Variants in FER1L5 observed in about 807,000 individuals in gnomAD.
FER1L5 encodes the protein fer-1-like protein 5.
A neutral mutation model predicts 279.9 loss-of-function variants in FER1L5; 187 were observed. That is an observed-to-expected ratio of 0.67 (90% CI 0.59 to 0.75). FER1L5 has a LOEUF of 0.75. Ranked by LOEUF, FER1L5 falls within the 30% of genes least tolerant of loss-of-function variation. The probability of loss-of-function intolerance (pLI) is 0.00; values close to 1 mark genes in which losing one functional copy is unlikely to be tolerated. For missense variants in FER1L5, 2,091 were observed against 2,594.4 expected (o/e 0.81, Z 4.21); for synonymous variants, 921 against 989.7 (o/e 0.93, Z 1.30).
intron 2 of FER1L5, 147 bp downstream of exon 2, chr2:96,646,600 G>A (rs1341192940): frequency 3.6e-6 from 3 of 822,962 alleles, no homozygotes; most frequent in Non-Finnish European, 1.9e-6. Context: ...TGGCCTGGGA[G>A]TAGCAGCCTC....
At chr2:96,666,378 C>T (rs1369892033) in intron 14 of FER1L5, among the ~76,000 whole-genome samples, 1 of 151,718 alleles carries the variant, frequency 6.6e-6, no homozygotes, top group African/African-American at 2.4e-5. Flanking sequence ...TCTCCCCTTC[C>T]AATGTCCTTC....
chr2:96,644,662 T>C (rs2075042611), intron 1 of FER1L5, among the ~76,000 whole-genome samples: 1 of 152,154 alleles, frequency 6.6e-6, no homozygotes, highest in African/African-American at 2.4e-5. Context: ...CTACAGGACA[T>C]ATGAGTAATG....
Position 96,698,542 on chromosome 2 carries a change from G to A in FER1L5, c.4357-129G>A. The A allele has an allele frequency of 1.3e-6, 1 of 770,022 alleles. No individual in the cohort carries two copies. Among genetic ancestry groups the A allele is most frequent in the Non-Finnish European group, 2.1e-6 (1 of 479,026 alleles). 47.7% of individuals were successfully genotyped at this position (770,022 alleles called of 1,614,324 possible). On this transcript the variant is annotated intron_variant, in intron 40 of 52. Transcript: ENST00000624922. The surrounding 1 kb of genome is among the most constrained non-coding windows in gnomAD (Gnocchi z 5.5). Reference sequence around the variant, plus strand: ...CTGTACCTGCCTCCACTGTCCTCATGGCCTTCTATCCCTGCCACCCTCAGC... The same window carrying A: ...CTGTACCTGCCTCCACTGTCCTCATAGCCTTCTATCCCTGCCACCCTCAGC...
chr2:96,661,493 C>A, intron 11 of FER1L5, 53 bp downstream of exon 11: 1 of 1,517,786 alleles, frequency 6.6e-7, no homozygotes, highest in Non-Finnish European at 8.9e-7. Context: ...CTCCTGGGGG[C>A]ACCCCTGGGC....
chr2:96,697,777 G>C lies in FER1L5; in HGVS notation c.4236+16G>C. On this transcript the variant is annotated intron_variant, in intron 39 of 52. Coordinates refer to ENST00000624922, the MANE Select transcript of FER1L5 (RefSeq NM_001293083.2). The stretch of plus-strand genomic sequence containing the variant: ...CACCCTCAAGGTTTGAAGGAGGGAA[G>C]AAATGGGATGGAATCAAATCTCCCA... 1.2e-6 allele frequency: 2 copies of C among 1,612,306 alleles called. No individual in the cohort carries two copies. Among genetic ancestry groups the C allele is most frequent in the Non-Finnish European group, 1.7e-6 (2 of 1,178,450 alleles).
chr2:96,669,587 G>A (rs1455933591), intron 17 of FER1L5, among the ~76,000 whole-genome samples: 2 of 152,156 alleles, frequency 1.3e-5, no homozygotes, highest in Non-Finnish European at 2.9e-5. Flanking sequence ...GGGAAGGAAC[G>A]AGGCAGGGAA....
Position 96,702,794 on chromosome 2 carries a change from T to A in FER1L5, c.5397+53T>A. Reference sequence around the variant, plus strand: ...CAGGCCACAACAAACAGACCCAGGCTCCTGGAGCTCCTCCCCCCACCCCTC... The same window carrying A: ...CAGGCCACAACAAACAGACCCAGGCACCTGGAGCTCCTCCCCCCACCCCTC... On this transcript the variant is annotated intron_variant, in intron 48 of 52. Transcript: ENST00000624922. This position sits in a 1 kb window ranked among gnomAD's most constrained non-coding sequence, Gnocchi z 4.0. 6.3e-7 allele frequency: 1 copy of A among 1,596,546 alleles called. No individual in the cohort carries two copies. Among genetic ancestry groups the A allele is most frequent in the Non-Finnish European group, 8.5e-7 (1 of 1,172,054 alleles).
intron 24 of FER1L5, among the ~76,000 whole-genome samples, chr2:96,688,239 G>A (rs949787102): frequency 6.6e-5 from 10 of 152,160 alleles, no homozygotes; most frequent in African/African-American, 2.4e-4. Flanking sequence ...AGTGACCTCC[G>A]GGGCCTGGTC....
At position 96,668,797 on chromosome 2, in the gene FER1L5, G is replaced by A. The variant is rs2076219014; in HGVS notation, c.1184+3G>A. Reference sequence around the variant, plus strand: ...ATCAAGTTCAGAGTCTTGGACTGGTGAGCAACCTGGTGGAGGCTGAAGCAC... The same window carrying A: ...ATCAAGTTCAGAGTCTTGGACTGGTAAGCAACCTGGTGGAGGCTGAAGCAC... On this transcript the variant is annotated splice_donor_region_variant and intron_variant, in intron 15 of 52. Transcript: ENST00000624922. 3 of 1,551,566 alleles carry A rather than the reference G, an allele frequency of 1.9e-6. No individual in the cohort carries two copies. The highest frequency in any genetic ancestry group is 1.4e-5 in the African/African-American group (1 of 73,024).
rs1470107661 is a variant in FER1L5 at position 96,684,401 on chromosome 2, A to G, written c.1744A>G (p.Ser582Gly). Reference sequence around the variant, plus strand: ...CGTGACCTCCAACTGGGAGGACGTCAGCTTCCGCATGAACTGCCTCAACCT... The same window carrying G: ...CGTGACCTCCAACTGGGAGGACGTCGGCTTCCGCATGAACTGCCTCAACCT... ...VAVTSNWEDVSFRMNCLNLLH... is the reference protein window; with the variant it reads ...VAVTSNWEDVGFRMNCLNLLH... The change falls in exon 20 of 53, where the codon AGC (serine) becomes GGC (glycine). Residue 582 changes from serine (S) to glycine (G), a missense_variant. Ser to Gly is a moderately conservative substitution (Grantham distance 56). Coordinates refer to ENST00000624922, the MANE Select transcript of FER1L5 (RefSeq NM_001293083.2). 1.9e-6 allele frequency: 3 copies of G among 1,551,668 alleles called. No homozygotes were observed.
At chr2:96,679,305 C>G (rs1443707709) in intron 19 of FER1L5, among the ~76,000 whole-genome samples, 2 of 151,944 alleles carry the variant, frequency 1.3e-5, no homozygotes, top group Non-Finnish European at 2.9e-5. Flanking sequence ...CTCACTGCAA[C>G]CTCCACTTCC....
intron 37 of FER1L5, 43 bp downstream of exon 37, chr2:96,696,120 G>C (rs558945224): frequency 6.2e-7 from 1 of 1,611,946 alleles, no homozygotes; most frequent in Non-Finnish European, 8.5e-7. Flanking sequence ...TACTGTTGAC[G>C]GGGTATAACC....
rs528413203 is a variant in FER1L5, at chr2:96,695,631, C to T, written c.3864C>T (p.Pro1288=). 67 of 1,605,632 alleles carry T rather than the reference C, an allele frequency of 4.2e-5. No individual in the cohort carries two copies. In the South Asian group the frequency reaches 6.6e-4, roughly 16 times the overall value. Residue 1288 remains proline, a synonymous_variant, in exon 35 of 53, where the codon CCC becomes CCT. Coordinates refer to ENST00000624922, the MANE Select transcript of FER1L5 (RefSeq NM_001293083.2). ...IRDFQTNPNF[P]ESESVLVLTV... ...ACTTTCAGACCAACCCCAACTTCCC[C>T]GAGTCTGAGTCTGTCCTAGTCCTCA...
chr2:96,665,519 A>G (rs576063537), intron 14 of FER1L5, among the ~76,000 whole-genome samples: 18 of 152,004 alleles, frequency 1.2e-4, no homozygotes, highest in African/African-American at 3.9e-4. Context: ...ATGAGGGCAC[A>G]GGGCTGGGAT....
At chr2:96,673,957 C>G (rs577805983) in intron 19 of FER1L5, among the ~76,000 whole-genome samples, 1 of 152,284 alleles carries the variant, frequency 6.6e-6, no homozygotes, top group East Asian at 1.9e-4. Flanking sequence ...TGTCTCATCA[C>G]CCATTCTGAG....
chr2:96,655,718 CT>C (rs894583085), intron 9 of FER1L5, among the ~76,000 whole-genome samples: 1 of 151,240 alleles, frequency 6.6e-6, no homozygotes, highest in African/African-American at 2.4e-5. Flanking sequence ...CAAGCTTCTT[CT>C]TTTTTTTTGA....
rs373626756 is a variant in FER1L5, at chr2:96,685,942, G to A, written c.1898G>A (p.Arg633His). Reference protein sequence around the residue: ...LLRELAEDCKRPLPCMTYQPK... With the variant: ...LLRELAEDCKHPLPCMTYQPK... The stretch of plus-strand genomic sequence containing the variant: ...CTGCTACCCTGTCCTGGCCACAGGC[G>A]CCCTCTGCCCTGCATGACCTATCAG... Residue 633 changes from arginine (R) to histidine (H), a missense_variant and splice_region_variant, in exon 22 of 53, where the codon CGC becomes CAC. Coordinates refer to ENST00000624922, the MANE Select transcript of FER1L5 (RefSeq NM_001293083.2). 4.8e-5 allele frequency: 73 copies of A among 1,534,264 alleles called. No individual in the cohort carries two copies. Among genetic ancestry groups the A allele is most frequent in the Admixed American group, 1.6e-4 (8 of 48,678 alleles).
rs1226403601 is a variant in FER1L5, at chr2:96,694,492, G to A, written c.3741+28G>A. The A allele has an allele frequency of 2.6e-6, 4 of 1,514,198 alleles. No individual in the cohort carries two copies. The highest frequency in any genetic ancestry group is 3.6e-6 in the Non-Finnish European group (4 of 1,123,042). The allele number at this position is 1,514,198 out of a possible 1,614,324, so 93.8% of individuals were successfully genotyped here. A position where few individuals can be genotyped will look rare whatever the true frequency, so the allele number is the denominator to read the frequency against. ...GCTGGCGATGTGGGATGGGGACGGT[G>A]GGCAGGACAGGCGGGGGTGGTCTGG... On this transcript the variant is annotated intron_variant, in intron 34 of 52. Coordinates refer to ENST00000624922, the MANE Select transcript of FER1L5 (RefSeq NM_001293083.2). This position sits in a 1 kb window ranked among gnomAD's most constrained non-coding sequence, Gnocchi z 4.6.
rs2077043823 is a variant in FER1L5 at position 96,689,125 on chromosome 2, G to A, written c.2362-88G>A. On this transcript the variant is annotated intron_variant, in intron 24 of 52. Coordinates refer to ENST00000624922, the MANE Select transcript of FER1L5 (RefSeq NM_001293083.2). This position sits in a 1 kb window ranked among gnomAD's most constrained non-coding sequence, Gnocchi z 4.6. ...ACCACATTTTTAGGATGCCCCTGCA[G>A]CCCAGAGTCAGGGGGCCCAGGGGAG... is the stretch of plus-strand genomic sequence containing the variant. 1.3e-5 allele frequency: 18 copies of A among 1,435,126 alleles called. 1 individual carries two copies. In the South Asian group the frequency reaches 2.6e-4, roughly 20 times the overall value. 88.9% of individuals were successfully genotyped at this position (1,435,126 alleles called of 1,614,324 possible). A position where few individuals can be genotyped will look rare whatever the true frequency, so the allele number is the denominator to read the frequency against.
Sources: gnomAD v4.1 joint callset for allele counts (sites outside exome capture counted in the v4.1 genomes callset) on GRCh38, gnomAD v4.1.1 for gene constraint, Gnocchi (gnomAD v3.1) non-coding constraint, MANE v1.5 for transcripts, NCBI Gene and HGNC (gene_info 2026-07-23, HGNC 2026-07-21) for gene names.